The following CUX2 variants were observed in gnomAD, a reference collection of about 807,000 sequenced individuals.
The protein encoded by CUX2 is homeobox protein cut-like 2.
A neutral mutation model predicts 144.8 loss-of-function variants in CUX2; 40 were observed. That is an observed-to-expected ratio of 0.28 (90% CI 0.21 to 0.36). The LOEUF is 0.36. CUX2 is among the 10% of genes least tolerant of loss of function. CUX2 has a pLI of 1.00. For missense variants in CUX2, 1,615 were observed against 1,994.0 expected, an observed-to-expected ratio of 0.81 and a Z score of 3.62; for synonymous variants, 827 against 875.6, an observed-to-expected ratio of 0.94 and a Z score of 0.98.
chr12:111,145,473 A>G (rs1444582700), intron 1 of CUX2, among the ~76,000 whole-genome samples: 2 of 152,144 alleles, frequency 1.3e-5, no homozygotes, highest in South Asian at 2.1e-4. Flanking sequence ...GGCTCAAGCA[A>G]TCCTCCCACC....
intron 2 of CUX2, among the ~76,000 whole-genome samples, chr12:111,216,164 A>C (rs980714431): frequency 2.6e-5 from 4 of 152,184 alleles, no homozygotes; most frequent in Non-Finnish European, 5.9e-5. Flanking sequence ...CGCCAAACCC[A>C]TCCCTCCCAG....
At chr12:111,083,383 G>T (rs1049546922) in intron 1 of CUX2, among the ~76,000 whole-genome samples, 1 of 152,160 alleles carries the variant, frequency 6.6e-6, no homozygotes, top group African/African-American at 2.4e-5. Flanking sequence ...GGAGCCTGGG[G>T]CCGGGGTCCA....
intron 9 of CUX2, among the ~76,000 whole-genome samples, chr12:111,298,905 G>A (rs1459766473): frequency 6.6e-6 from 1 of 152,196 alleles, no homozygotes; most frequent in Admixed American, 6.5e-5. Flanking sequence ...AGACGTCCTA[G>A]AGGAAGGGAT....
chr12:111,188,529 A>G (rs1243735361), intron 1 of CUX2, among the ~76,000 whole-genome samples: 2 of 152,206 alleles, frequency 1.3e-5, no homozygotes, highest in East Asian at 3.9e-4. Flanking sequence ...AGCCAGTTAT[A>G]GGAAAAATCT....
At chr12:111,076,956 G>A (rs897279385) in intron 1 of CUX2, among the ~76,000 whole-genome samples, 5 of 152,178 alleles carry the variant, frequency 3.3e-5, no homozygotes, top group Non-Finnish European at 7.3e-5. Flanking sequence ...GAGAAAACCC[G>A]TCGCCCCTCG....
At chr12:111,265,512 T>C (rs1884342473) in intron 4 of CUX2, among the ~76,000 whole-genome samples, 1 of 151,756 alleles carries the variant, frequency 6.6e-6, no homozygotes, top group African/African-American at 2.4e-5. Context: ...CGGCTAATTT[T>C]TTGTATTTTT....
chr12:111,139,868 A>G (rs979885045), intron 1 of CUX2, among the ~76,000 whole-genome samples: 13 of 152,182 alleles, frequency 8.5e-5, no homozygotes, highest in Admixed American at 3.3e-4. Flanking sequence ...TTACAGGTCC[A>G]GATGTTAAAA....
rs1366626030 is a variant in CUX2 at position 111,035,230 on chromosome 12, C to A, written c.63+990C>A. ...TGCTTTTCTTCTGTTTCTTTCCTCT[C>A]TTCCCTGCTCTTTCTCTCTCCTTCC... On this transcript the variant is annotated intron_variant, in intron 1 of 21. Coordinates refer to ENST00000261726, the MANE Select transcript of CUX2 (RefSeq NM_015267.4). This position sits in a 1 kb window ranked among gnomAD's most constrained non-coding sequence, Gnocchi z 6.0. Among the ~76,000 whole-genome samples, 1 of 152,258 alleles carries A rather than the reference C, an allele frequency of 6.6e-6. No homozygotes were observed. The highest frequency in any genetic ancestry group is 1.5e-5 in the Non-Finnish European group (1 of 68,048).
At chr12:111,103,241 C>T (rs1000090914) in intron 1 of CUX2, among the ~76,000 whole-genome samples, 40 of 152,122 alleles carry the variant, frequency 2.6e-4, no homozygotes, top group African/African-American at 8.9e-4. Context: ...CTGTGGCTAA[C>T]GGGTGATTGG....
chr12:111,208,870 T>C (rs1385014135), intron 1 of CUX2, among the ~76,000 whole-genome samples: 2 of 152,172 alleles, frequency 1.3e-5, no homozygotes, highest in Non-Finnish European at 2.9e-5. Flanking sequence ...GCAGCAATGA[T>C]TTGTTTTTGG....
At chr12:111,140,442 C>T (rs1474866916) in intron 1 of CUX2, among the ~76,000 whole-genome samples, 2 of 152,208 alleles carry the variant, frequency 1.3e-5, no homozygotes, top group African/African-American at 4.8e-5. Context: ...TGAGCACCCC[C>T]TCTTGATCTA....
At position 111,049,605 on chromosome 12, in the gene CUX2, A is replaced by G. The variant is rs142249515; in HGVS notation, c.63+15365A>G. On this transcript the variant is annotated intron_variant, in intron 1 of 21. Transcript: ENST00000261726. ...GGTGAGGGCTGCTGGAGAGGGTTCT[A>G]GACTTGAGACGTGTAGTTCTCCCCT... 3.3e-3 allele frequency among the ~76,000 whole-genome samples: 504 copies of G among 152,284 alleles called. 2 individuals carry two copies. Among genetic ancestry groups the G allele is most frequent in the African/African-American group, 0.012 (479 of 41,548 alleles).
intron 1 of CUX2, among the ~76,000 whole-genome samples, chr12:111,093,375 C>T (rs370790518): frequency 1.1e-4 from 16 of 152,152 alleles, no homozygotes; most frequent in Admixed American, 2.0e-4. Context: ...CCTCACACCA[C>T]GGCGACTTGA....
intron 1 of CUX2, among the ~76,000 whole-genome samples, chr12:111,192,159 C>T (rs1879927357): frequency 6.7e-6 from 1 of 149,238 alleles, no homozygotes; most frequent in South Asian, 2.1e-4. Flanking sequence ...TGGAGTCTTA[C>T]TCAGTCACCT....
At chr12:111,225,047 A>G (rs1246613139) in intron 3 of CUX2, among the ~76,000 whole-genome samples, 1 of 152,098 alleles carries the variant, frequency 6.6e-6, no homozygotes, top group South Asian at 2.1e-4. Context: ...CTGGGACTAT[A>G]GGCGCACAAC....
At chr12:111,282,162 A>T (rs757383614) in intron 4 of CUX2, among the ~76,000 whole-genome samples, 2 of 152,026 alleles carry the variant, frequency 1.3e-5, no homozygotes, top group African/African-American at 2.4e-5. Context: ...TCTACTAAAA[A>T]TACAAAAAAA....
chr12:111,214,732 G>A (rs1881436757), intron 2 of CUX2, among the ~76,000 whole-genome samples: 1 of 152,072 alleles, frequency 6.6e-6, no homozygotes, highest in African/African-American at 2.4e-5. Context: ...CTGAAACTCG[G>A]CCTCTCACCC....
At chr12:111,200,627 T>C (rs1197161699) in intron 1 of CUX2, among the ~76,000 whole-genome samples, 2 of 151,982 alleles carry the variant, frequency 1.3e-5, no homozygotes, top group Admixed American at 1.3e-4. Context: ...AATCCAGGCC[T>C]CCCTCCCGGA....
chr12:111,176,678 A>G (rs1294168186), intron 1 of CUX2, among the ~76,000 whole-genome samples: 1 of 152,204 alleles, frequency 6.6e-6, no homozygotes, highest in Non-Finnish European at 1.5e-5. Context: ...CACAGGATCT[A>G]TCAGGTCACC....
Sources: allele counts gnomAD v4.1 joint callset (sites outside exome capture counted in the v4.1 genomes callset), GRCh38; gene constraint gnomAD v4.1.1; non-coding constraint Gnocchi (gnomAD v3.1); transcripts MANE v1.5; gene names NCBI Gene and HGNC (gene_info 2026-07-23, HGNC 2026-07-21).